Variants in ADAMTS20 observed in about 807,000 individuals in gnomAD.
The protein encoded by ADAMTS20 is ADAM metallopeptidase with thrombospondin type 1 motif 20.
ADAMTS20 carries 225 observed loss-of-function variants against 260.1 expected under a neutral mutation model. The ratio of observed to expected loss-of-function variants is 0.87; its 90% CI spans 0.78 to 0.97. ADAMTS20 has a LOEUF of 0.97. ADAMTS20 is among the 50% of genes least tolerant of loss of function. The pLI is 0.00. For synonymous variants in ADAMTS20, 802 were observed against 769.5 expected (o/e 1.04, Z -0.70); for missense variants, 2,400 against 2,337.7 (o/e 1.03, Z -0.55).
chr12:43,397,560 A>G (rs1483779432), intron 29 of ADAMTS20, among the ~76,000 whole-genome samples: 3 of 152,198 alleles, frequency 2.0e-5, no homozygotes, highest in African/African-American at 4.8e-5. Flanking sequence ...GTGACTAACT[A>G]TGGAGGCAAG....
In ADAMTS20 at chr12:43,359,492, C is replaced by T. The variant is rs764188153; in HGVS notation, c.5539-2904G>A. On this transcript the variant is annotated intron_variant, in intron 37 of 38. Coordinates refer to ENST00000389420, the MANE Select transcript of ADAMTS20 (RefSeq NM_025003.5). ...TTTCCACCCAGAATCTTTGTACATA[C>T]GGAGAGTTGATTCTAAAATTTATAT... Among the ~76,000 whole-genome samples the T allele has an allele frequency of 3.4e-4, 52 of 151,998 alleles. 1 individual carries two copies. Among genetic ancestry groups the T allele is most frequent in the Non-Finnish European group, 1.3e-4 (9 of 67,992 alleles).
intron 36 of ADAMTS20, among the ~76,000 whole-genome samples, chr12:43,374,773 C>T (rs187488568): frequency 2.6e-5 from 4 of 152,166 alleles, no homozygotes; most frequent in East Asian, 1.9e-4. Context: ...ACAAGTAGAC[C>T]GAGGATATTA....
In ADAMTS20 at chr12:43,389,803, T is replaced by C. The variant is rs1940560484; in HGVS notation, c.4453-5826A>G. On this transcript the variant is annotated intron_variant, in intron 29 of 38. Transcript: ENST00000389420. ...GTTATGATTTCCATCTGAGACCTCA[T>C]GGCCTTTACTGTCCATATTTCCATG... Among the ~76,000 whole-genome samples, 2 of 152,192 alleles carry C rather than the reference T, an allele frequency of 1.3e-5. 1 individual carries two copies. Among genetic ancestry groups the C allele is most frequent in the South Asian group, 4.1e-4 (2 of 4,832 alleles).
chr12:43,412,924 C>T (rs1233605519), intron 28 of ADAMTS20, among the ~76,000 whole-genome samples: 1 of 150,400 alleles, frequency 6.6e-6, no homozygotes, highest in Non-Finnish European at 1.5e-5. Context: ...CATTCTCCTG[C>T]CGCAGCCTCC....
intron 28 of ADAMTS20, among the ~76,000 whole-genome samples, chr12:43,409,675 G>T (rs1940996460): frequency 7.6e-6 from 1 of 131,682 alleles, no homozygotes; most frequent in African/African-American, 3.0e-5. Flanking sequence ...TATTTAACCA[G>T]AAAGAGTTTT....
At chr12:43,534,597 C>T (rs1943268384) in intron 2 of ADAMTS20, among the ~76,000 whole-genome samples, 1 of 152,034 alleles carries the variant, frequency 6.6e-6, no homozygotes, top group African/African-American at 2.4e-5. Context: ...AGTCTGTTTA[C>T]ATAAACTTTA....
intron 29 of ADAMTS20, among the ~76,000 whole-genome samples, chr12:43,385,309 T>A (rs773594789): frequency 6.6e-6 from 1 of 152,240 alleles, no homozygotes; most frequent in African/African-American, 2.4e-5. Context: ...GGTTGCTTTT[T>A]TCTTGTAAAT....
At position 43,551,860 on chromosome 12, in the gene ADAMTS20, G is replaced by A; in HGVS notation, c.62C>T (p.Ser21Phe). The change falls in exon 1 of 39, where the codon TCT becomes TTT. Residue 21 changes from serine (S) to phenylalanine (F), a missense_variant. Coordinates refer to ENST00000389420, the MANE Select transcript of ADAMTS20 (RefSeq NM_025003.5). This position sits in a 1 kb window ranked among gnomAD's most constrained non-coding sequence, Gnocchi z 4.6. ...LYHLSLFITR[S>F]WEVDFHPRQE... ...CCTGGGGTGGAAGTCAACTTCCCAA[G>A]ACCTGGTGATGAAGAGCGAGAGATG... The A allele has an allele frequency of 6.2e-7, 1 of 1,613,720 alleles. No homozygotes were observed.
intron 8 of ADAMTS20, among the ~76,000 whole-genome samples, chr12:43,467,865 TG>T (rs1465166335): frequency 6.6e-6 from 1 of 152,110 alleles, no homozygotes; most frequent in Non-Finnish European, 1.5e-5. Context: ...GGAAATTAAA[TG>T]TGGTCAAACT....
At chr12:43,364,057 C>A (rs1293597304) in intron 37 of ADAMTS20, among the ~76,000 whole-genome samples, 1 of 152,144 alleles carries the variant, frequency 6.6e-6, no homozygotes, top group Non-Finnish European at 1.5e-5. Context: ...CCACCTAAGA[C>A]TATTGTTATC....
intron 10 of ADAMTS20, 73 bp downstream of exon 10, chr12:43,464,518 C>T (rs1043603957): frequency 2.0e-6 from 3 of 1,517,640 alleles, no homozygotes; most frequent in African/African-American, 1.4e-5. Context: ...AGAGAATAAA[C>T]ACATTTTGAA....
At chr12:43,543,007 G>A (rs889643988) in intron 2 of ADAMTS20, among the ~76,000 whole-genome samples, 1 of 152,122 alleles carries the variant, frequency 6.6e-6, no homozygotes, top group Non-Finnish European at 1.5e-5. Flanking sequence ...AAGGATCCCA[G>A]CCAAAACCAA....
chr12:43,361,429 C>T (rs1939864722), intron 37 of ADAMTS20, among the ~76,000 whole-genome samples: 1 of 152,214 alleles, frequency 6.6e-6, no homozygotes, highest in South Asian at 2.1e-4. Context: ...TGTCTATGCC[C>T]AATAACAACC....
At chr12:43,471,687 C>T (rs1261471175) in intron 7 of ADAMTS20, among the ~76,000 whole-genome samples, 4 of 140,616 alleles carry the variant, frequency 2.8e-5, no homozygotes, top group Admixed American at 7.3e-5. Context: ...CCCTGACCCC[C>T]GAGCAGCCTA....
chr12:43,373,781 G>A (rs983424313), intron 36 of ADAMTS20, among the ~76,000 whole-genome samples: 7 of 137,186 alleles, frequency 5.1e-5, no homozygotes, highest in South Asian at 2.5e-4. Flanking sequence ...CTGGGTTCAC[G>A]CCATTCTCCT....
intron 28 of ADAMTS20, among the ~76,000 whole-genome samples, chr12:43,425,245 G>C (rs1941308755): frequency 6.6e-6 from 1 of 152,002 alleles, no homozygotes; most frequent in Non-Finnish European, 1.5e-5. Flanking sequence ...CAACACACTG[G>C]GGCCTGTTGG....
At chr12:43,385,873 T>G (rs1224613322) in intron 29 of ADAMTS20, among the ~76,000 whole-genome samples, 1 of 152,188 alleles carries the variant, frequency 6.6e-6, no homozygotes, top group Non-Finnish European at 1.5e-5. Context: ...TCTTCCTGGT[T>G]TAGTCTTGGG....
At chr12:43,393,365 C>T (rs2137242600) in intron 29 of ADAMTS20, among the ~76,000 whole-genome samples, 1 of 151,982 alleles carries the variant, frequency 6.6e-6, no homozygotes, top group East Asian at 1.9e-4. Context: ...ACTTCTTCAT[C>T]TATATTACAT....
chr12:43,390,613 G>GAAC (rs1243574235), intron 29 of ADAMTS20, among the ~76,000 whole-genome samples: 1 of 152,154 alleles, frequency 6.6e-6, no homozygotes, highest in Non-Finnish European at 1.5e-5. Flanking sequence ...CATGAGTACA[G>GAAC]TTCTGTCAGG....
Sources: allele counts gnomAD v4.1 joint callset (sites outside exome capture counted in the v4.1 genomes callset), GRCh38; gene constraint gnomAD v4.1.1; non-coding constraint Gnocchi (gnomAD v3.1); transcripts MANE v1.5; gene names NCBI Gene and HGNC (gene_info 2026-07-23, HGNC 2026-07-21).